The following EFL1 variants were observed in gnomAD, a reference collection of about 807,000 sequenced individuals.
The protein encoded by EFL1 is elongation factor like GTPase 1.
Under a neutral mutation model 126.7 loss-of-function variants are expected in EFL1, and 76 were observed. The ratio of observed to expected loss-of-function variants is 0.60; its 90% confidence interval spans 0.50 to 0.73. The LOEUF is 0.73. Ranked by LOEUF, EFL1 falls within the 30% of genes least tolerant of loss-of-function variation. EFL1 has a pLI of 0.00. For missense variants in EFL1, 1,128 were observed against 1,343.2 expected (o/e 0.84, Z 2.50); for synonymous variants, 410 against 448.4 (o/e 0.91, Z 1.08).
intron 3 of EFL1, among the ~76,000 whole-genome samples, chr15:82,257,976 T>G (rs565218615): frequency 2.2e-4 from 33 of 152,298 alleles, no homozygotes; most frequent in African/African-American, 7.5e-4. Context: ...TCACTCAACC[T>G]AGTTTTCTTC....
At chr15:82,145,485 A>G (rs2073834953) in intron 18 of EFL1, among the ~76,000 whole-genome samples, 1 of 151,842 alleles carries the variant, frequency 6.6e-6, no homozygotes, top group Non-Finnish European at 1.5e-5. Flanking sequence ...TTATTTTAAA[A>G]TAAAAATTTA....
At chr15:82,164,275 T>C (rs1046383660) in intron 15 of EFL1, among the ~76,000 whole-genome samples, 4 of 152,204 alleles carry the variant, frequency 2.6e-5, no homozygotes, top group Non-Finnish European at 5.9e-5. Context: ...CTTCCAGATA[T>C]ATTTGTCTGA....
At chr15:82,131,938 C>G (rs2073652002) in intron 19 of EFL1, among the ~76,000 whole-genome samples, 1 of 151,962 alleles carries the variant, frequency 6.6e-6, no homozygotes, top group Admixed American at 6.5e-5. Context: ...AAAGGAAAGT[C>G]AAGAGCCATC....
intron 15 of EFL1, among the ~76,000 whole-genome samples, chr15:82,182,113 C>A (rs1305682991): frequency 6.6e-6 from 1 of 152,064 alleles, no homozygotes; most frequent in East Asian, 1.9e-4. Context: ...CAAAAATTAG[C>A]CAGCTGTGGT....
intron 15 of EFL1, among the ~76,000 whole-genome samples, chr15:82,169,119 G>T (rs1390310246): frequency 6.6e-6 from 1 of 152,110 alleles, no homozygotes; most frequent in Non-Finnish European, 1.5e-5. Flanking sequence ...GAATAACGCG[G>T]TTCTCAGTGT....
intron 12 of EFL1, among the ~76,000 whole-genome samples, chr15:82,222,944 AAGAACACAAGAACAGAGG>A (rs1201528941): frequency 1.3e-5 from 2 of 152,202 alleles, no homozygotes; most frequent in East Asian, 3.8e-4. Context: ...GAAAAGAGGC[AAGAACACAAGAACAGAGG>A]AGAAAGTCCT....
At chr15:82,191,025 A>T (rs1366266017) in intron 15 of EFL1, among the ~76,000 whole-genome samples, 3 of 146,248 alleles carry the variant, frequency 2.1e-5, no homozygotes, top group South Asian at 2.2e-4. Context: ...CTACTGTAAT[A>T]AAAAAAAAAG....
chr15:82,227,498 A>G lies in EFL1; in HGVS notation c.1144T>C (p.Ser382Pro). ...GGTGGAAAAGAGTCAAAAGTTTGTG[A>G]TCCTGTGCACATCAGTCTCTCCACT... ...ERVERLMCTGSQTFDSFPPET... is the reference protein window; with the variant it reads ...ERVERLMCTGPQTFDSFPPET... Residue 382 changes from serine (S) to proline (P), a missense_variant, in exon 11 of 20, where the codon TCA becomes CCA. By Grantham distance (74) the Ser-to-Pro change is moderately conservative. Coordinates refer to ENST00000268206, the MANE Select transcript of EFL1 (RefSeq NM_024580.6). The G allele has an allele frequency of 1.2e-6, 2 of 1,614,144 alleles. No individual in the cohort carries two copies. The highest frequency in any genetic ancestry group is 2.2e-5 in the South Asian group (2 of 91,082).
intron 15 of EFL1, among the ~76,000 whole-genome samples, chr15:82,211,547 T>C (rs1466235764): frequency 1.3e-4 from 9 of 70,808 alleles, no homozygotes; most frequent in African/African-American, 5.0e-4. Flanking sequence ...AAAAAATCTA[T>C]ATACACACAC....
At chr15:82,228,382 C>T in intron 9 of EFL1, 55 bp from the exon 10 acceptor site, 1 of 1,541,772 alleles carries the variant, frequency 6.5e-7, no homozygotes, top group Non-Finnish European at 8.7e-7. Flanking sequence ...TATAAACAGG[C>T]AGTGGAACCC....
intron 15 of EFL1, among the ~76,000 whole-genome samples, chr15:82,177,949 G>GTGA (rs1419141873): frequency 6.6e-6 from 1 of 152,196 alleles, no homozygotes. Context: ...AGTATGGAAT[G>GTGA]TGATGGTCTT....
intron 4 of EFL1, 48 bp from the exon 5 acceptor site, chr15:82,241,451 AT>A: frequency 6.3e-7 from 1 of 1,584,928 alleles, no homozygotes; most frequent in East Asian, 2.2e-5. Context: ...CAGGTACACA[AT>A]GTTCTTCCTC....
At chr15:82,222,011 T>C (rs1488228684) in intron 12 of EFL1, among the ~76,000 whole-genome samples, 1 of 152,220 alleles carries the variant, frequency 6.6e-6, no homozygotes, top group Non-Finnish European at 1.5e-5. Context: ...TTCTAGACTT[T>C]TGCTAAAAAC....
chr15:82,152,321 T>G lies in EFL1; in HGVS notation c.2133A>C (p.Lys711Asn). The G allele has an allele frequency of 6.2e-7, 1 of 1,614,112 alleles. No homozygotes were observed. Among genetic ancestry groups the G allele is most frequent in the Admixed American group, 1.7e-5 (1 of 60,022 alleles). Residue 711 changes from lysine (K) to asparagine (N), a missense_variant, in exon 18 of 20, where the codon AAA becomes AAC. Transcript: ENST00000268206. ...KVDMVNEEIG[K>N]QQKVAVIHQM... ...GGTGTATGACTGCAACTTTTTGCTG[T>G]TTGCCTATTTCTTCATTGACCATGT...
intron 15 of EFL1, among the ~76,000 whole-genome samples, chr15:82,207,493 G>A (rs1470838055): frequency 1.3e-5 from 2 of 151,722 alleles, no homozygotes; most frequent in Non-Finnish European, 2.9e-5. Context: ...AAAATATACA[G>A]GTTAAAAAAC....
chr15:82,199,327 G>A (rs2074442794), intron 15 of EFL1, among the ~76,000 whole-genome samples: 1 of 150,418 alleles, frequency 6.6e-6, no homozygotes, highest in African/African-American at 2.5e-5. Context: ...AAGAGAGAGA[G>A]AGAAAGAGAG....
At chr15:82,136,532 C>T (rs2073723885) in intron 19 of EFL1, among the ~76,000 whole-genome samples, 1 of 152,164 alleles carries the variant, frequency 6.6e-6, no homozygotes, top group Non-Finnish European at 1.5e-5. Flanking sequence ...AGCTGTATTG[C>T]TCTGTAATCA....
At chr15:82,186,028 T>C (rs1030930366) in intron 15 of EFL1, among the ~76,000 whole-genome samples, 1 of 152,196 alleles carries the variant, frequency 6.6e-6, no homozygotes, top group Non-Finnish European at 1.5e-5. Context: ...GGAATTTTGT[T>C]GTATAAAATT....
chr15:82,155,391 A>C (rs2073957028), intron 17 of EFL1, among the ~76,000 whole-genome samples: 1 of 152,106 alleles, frequency 6.6e-6, no homozygotes, highest in Non-Finnish European at 1.5e-5. Context: ...AGTCCCAGCT[A>C]CTCAGGAGGC....
Sources: gnomAD v4.1 joint callset for allele counts (sites outside exome capture counted in the v4.1 genomes callset) on GRCh38, gnomAD v4.1.1 for gene constraint, MANE v1.5 for transcripts, NCBI Gene and HGNC (gene_info 2026-07-23, HGNC 2026-07-21) for gene names.